SULF1: variants seen among roughly 807,000 people sequenced by gnomAD.
SULF1 encodes the protein sulfatase 1.
Under a neutral mutation model 110.5 loss-of-function variants are expected in SULF1, and 46 were observed. The observed-to-expected ratio is 0.42, with a 90% CI of 0.33 to 0.53. The LOEUF (loss-of-function observed/expected upper bound fraction) is 0.53. SULF1 is among the 20% of genes least tolerant of loss of function. The probability of loss-of-function intolerance (pLI) is 0.12; values close to 1 mark genes in which losing one functional copy is unlikely to be tolerated. For missense variants in SULF1, 941 were observed against 1,094.2 expected, an observed-to-expected ratio of 0.86 and a Z score of 1.98; for synonymous variants, 371 against 387.1, an observed-to-expected ratio of 0.96 and a Z score of 0.49.
chr8:69,603,051 C>T (rs1807957020), intron 10 of SULF1, 141 bp from the exon 11 acceptor site: 2 of 1,200,174 alleles, frequency 1.7e-6, no homozygotes, highest in African/African-American at 1.5e-5. Context: ...ACCCTTGCCA[C>T]ACAACTACCC....
chr8:69,638,434 G>T, intron 19 of SULF1, 68 bp from the exon 20 acceptor site: 1 of 1,548,022 alleles, frequency 6.5e-7, no homozygotes, highest in Non-Finnish European at 8.7e-7. Context: ...GGGAACACTG[G>T]AATGGCAAGC....
At chr8:69,653,621 G>A (rs1367652564) in intron 22 of SULF1, among the ~76,000 whole-genome samples, 1 of 152,174 alleles carries the variant, frequency 6.6e-6, no homozygotes, top group Non-Finnish European at 1.5e-5. Flanking sequence ...CATTACATAA[G>A]CATGATTGAT....
chr8:69,480,027 G>C (rs1809451931), intron 1 of SULF1, among the ~76,000 whole-genome samples: 1 of 150,856 alleles, frequency 6.6e-6, no homozygotes, highest in South Asian at 2.1e-4. Flanking sequence ...TTTTTCAGAT[G>C]TACTCCTTAT....
At chr8:69,632,050 G>T (rs562908591) in intron 19 of SULF1, among the ~76,000 whole-genome samples, 23 of 152,148 alleles carry the variant, frequency 1.5e-4, no homozygotes, top group Non-Finnish European at 3.1e-4. Flanking sequence ...AATTTTAGGT[G>T]AATAAATAAA....
At chr8:69,506,519 A>G (rs1006383592) in intron 3 of SULF1, among the ~76,000 whole-genome samples, 7 of 152,220 alleles carry the variant, frequency 4.6e-5, no homozygotes, top group African/African-American at 1.2e-4. Flanking sequence ...AGAAAATGCC[A>G]AACTCCAATT....
At chr8:69,562,135 CTCTT>C (rs1197381608) in intron 3 of SULF1, among the ~76,000 whole-genome samples, 2 of 152,228 alleles carry the variant, frequency 1.3e-5, no homozygotes, top group Admixed American at 1.3e-4. Flanking sequence ...TTCTTCTTGT[CTCTT>C]TCTCTCTCTT....
chr8:69,601,843 T>C lies in SULF1; in HGVS notation c.1061+14T>C, dbSNP rs369432440. 1.3e-5 allele frequency: 20 copies of C among 1,591,074 alleles called. No individual in the cohort carries two copies. Among genetic ancestry groups the C allele is most frequent in the Non-Finnish European group, 1.7e-5 (20 of 1,167,136 alleles). ...ACCAGGATCAATGTACGTATTTCTC[T>C]GTTTGCAACATTCAACTGTCGTACC... On this transcript the variant is annotated intron_variant, in intron 10 of 22. Coordinates refer to ENST00000402687, the MANE Select transcript of SULF1 (RefSeq NM_001128205.2).
Position 69,660,465 on chromosome 8 carries a change from G to T in SULF1, c.*1930G>T, listed in dbSNP as rs1813033032. On this transcript the variant is annotated 3_prime_UTR_variant, in exon 23 of 23. Coordinates refer to ENST00000402687, the MANE Select transcript of SULF1 (RefSeq NM_001128205.2). ...ATTAGGTTTTTAAATACCAGCTAAA[G>T]GATTACCTCACTGAGTCATCAGTAC... is the stretch of plus-strand genomic sequence containing the variant. 6.6e-6 allele frequency: 1 copy of T among 152,500 alleles called. No homozygotes were observed. The highest frequency in any genetic ancestry group is 2.1e-4 in the South Asian group (1 of 4,830). The allele number at this position is 152,500 out of a possible 1,614,324, so 9.4% of individuals were successfully genotyped here.
chr8:69,577,339 T>G (rs1465489465), intron 6 of SULF1, among the ~76,000 whole-genome samples: 2 of 152,230 alleles, frequency 1.3e-5, no homozygotes, highest in Non-Finnish European at 2.9e-5. Context: ...AGTTCATAGA[T>G]GGCAAATGTA....
intron 3 of SULF1, among the ~76,000 whole-genome samples, chr8:69,543,565 A>G (rs1814010933): frequency 6.6e-6 from 1 of 152,032 alleles, no homozygotes; most frequent in African/African-American, 2.4e-5. Flanking sequence ...GTTCTTTTTT[A>G]TGGCTGCGTA....
chr8:69,527,141 C>A (rs1255097118), intron 3 of SULF1, among the ~76,000 whole-genome samples: 3 of 152,086 alleles, frequency 2.0e-5, no homozygotes, highest in African/African-American at 4.8e-5. Flanking sequence ...CCTAGGATGA[C>A]ATCCAAGGCA....
rs117804785 is a variant in SULF1, at chr8:69,522,795, G to A, written c.-134+20827G>A. Among the ~76,000 whole-genome samples, 9 of 152,258 alleles carry A rather than the reference G, an allele frequency of 5.9e-5. No individual in the cohort carries two copies. In the East Asian group the frequency reaches 1.7e-3, roughly 29 times the overall value. On this transcript the variant is annotated intron_variant, in intron 3 of 22. Coordinates refer to ENST00000402687, the MANE Select transcript of SULF1 (RefSeq NM_001128205.2). ...TCAACTGCATGTGGCAGTATGATGA[G>A]GATTGAAAACTGATCATTGGATTTA...
At chr8:69,583,470 A>C (rs1256345619) in intron 6 of SULF1, among the ~76,000 whole-genome samples, 11 of 151,812 alleles carry the variant, frequency 7.2e-5, no homozygotes, top group Non-Finnish European at 1.5e-4. Flanking sequence ...GCTACTTGGG[A>C]GTCTGAGACA....
Position 69,481,620 on chromosome 8 carries a change from C to T in SULF1, c.-390-14145C>T, listed in dbSNP as rs556534020. Among the ~76,000 whole-genome samples, 6 of 152,282 alleles carry T rather than the reference C, an allele frequency of 3.9e-5. No individual in the cohort carries two copies. The South Asian group carries it at 6.2e-4, about 16-fold the overall frequency. On this transcript the variant is annotated intron_variant, in intron 1 of 22. Coordinates refer to the SULF1 transcript ENST00000260128. ...CTGATGCTTTTCCTCCTCCCAACCACTCACCCTATGACAGGCCCCGGTGTG... is the reference window on the plus strand; with the variant it reads ...CTGATGCTTTTCCTCCTCCCAACCATTCACCCTATGACAGGCCCCGGTGTG...
chr8:69,602,627 C>T (rs188019002), intron 10 of SULF1, among the ~76,000 whole-genome samples: 4 of 152,260 alleles, frequency 2.6e-5, no homozygotes, highest in Admixed American at 1.3e-4. Context: ...GAATCTCCCC[C>T]GAGTACCACA....
chr8:69,558,264 T>G (rs1014465817), intron 3 of SULF1, among the ~76,000 whole-genome samples: 1 of 152,210 alleles, frequency 6.6e-6, no homozygotes, highest in African/African-American at 2.4e-5. Flanking sequence ...TTCTTGCTGG[T>G]GTAATTCTAC....
At chr8:69,542,552 C>T (rs1813932246) in intron 3 of SULF1, among the ~76,000 whole-genome samples, 1 of 151,640 alleles carries the variant, frequency 6.6e-6, no homozygotes, top group African/African-American at 2.4e-5. Context: ...ATGGGGATAC[C>T]AACAGTGCTG....
intron 21 of SULF1, among the ~76,000 whole-genome samples, chr8:69,640,011 G>A (rs1422171833): frequency 3.3e-5 from 5 of 151,718 alleles, no homozygotes; most frequent in African/African-American, 9.7e-5. Flanking sequence ...GACCCCACTC[G>A]GCTCAAATCT....
intron 3 of SULF1, among the ~76,000 whole-genome samples, chr8:69,560,525 G>A (rs1366516712): frequency 1.3e-5 from 2 of 152,168 alleles, no homozygotes; most frequent in African/African-American, 4.8e-5. Context: ...CTTGACTGGT[G>A]AAGAATAGAA....
Sources: gnomAD v4.1 joint callset for allele counts (sites outside exome capture counted in the v4.1 genomes callset) on GRCh38, gnomAD v4.1.1 for gene constraint, MANE v1.5 for transcripts, NCBI Gene and HGNC (gene_info 2026-07-23, HGNC 2026-07-21) for gene names.